Variants in SMYD3 observed in about 807,000 individuals in gnomAD.
The protein encoded by SMYD3 is histone-lysine N-methyltransferase SMYD3.
SMYD3 carries 36 observed loss-of-function variants against 57.7 expected under a neutral mutation model. The observed-to-expected ratio is 0.62, with a 90% CI of 0.48 to 0.82. The LOEUF (loss-of-function observed/expected upper bound fraction) is 0.82. Ranked by LOEUF, SMYD3 falls within the 40% of genes least tolerant of loss-of-function variation. The pLI, the probability that SMYD3 is intolerant of heterozygous loss-of-function variation, is 0.00. For synonymous variants in SMYD3, 211 were observed against 195.0 expected, an observed-to-expected ratio of 1.08 and a Z score of -0.68; for missense variants, 515 against 538.8, an observed-to-expected ratio of 0.96 and a Z score of 0.44.
intron 5 of SMYD3, among the ~76,000 whole-genome samples, chr1:246,200,939 T>C (rs1294632836): frequency 6.6e-6 from 1 of 152,200 alleles, no homozygotes; most frequent in Non-Finnish European, 1.5e-5. Context: ...AAACATTAAA[T>C]CCATGAAGTC....
At chr1:246,308,367 G>T (rs1215862428) in intron 5 of SMYD3, among the ~76,000 whole-genome samples, 1 of 151,908 alleles carries the variant, frequency 6.6e-6, no homozygotes, top group Non-Finnish European at 1.5e-5. Context: ...CTTTGTTTTG[G>T]CCCTATTTGT....
At chr1:245,954,610 AG>A in intron 5 of SMYD3, among the ~76,000 whole-genome samples, 1 of 151,412 alleles carries the variant, frequency 6.6e-6, no homozygotes, top group Non-Finnish European at 1.5e-5. Flanking sequence ...CCCAGGAAGC[AG>A]GGGTTGCAGT....
At chr1:245,751,550 G>GAA (rs1367500078) in intron 11 of SMYD3, among the ~76,000 whole-genome samples, 8 of 149,972 alleles carry the variant, frequency 5.3e-5, no homozygotes, top group Admixed American at 2.0e-4. Flanking sequence ...GAAAGAGAGA[G>GAA]AGAGACAGAG....
chr1:246,491,485 A>G (rs1299493193), intron 1 of SMYD3, among the ~76,000 whole-genome samples: 1 of 151,878 alleles, frequency 6.6e-6, no homozygotes, highest in Non-Finnish European at 1.5e-5. Context: ...GGTGGCAGTG[A>G]GCCGAGATCG....
At chr1:245,796,258 T>C (rs113015023) in intron 10 of SMYD3, among the ~76,000 whole-genome samples, 277 of 152,320 alleles carry the variant, frequency 1.8e-3, no homozygotes, top group African/African-American at 6.4e-3. Context: ...TGTTTCAATA[T>C]TTTATCAAAA....
intron 8 of SMYD3, among the ~76,000 whole-genome samples, chr1:245,890,512 T>C (rs2053323266): frequency 6.6e-6 from 1 of 152,032 alleles, no homozygotes; most frequent in Admixed American, 6.6e-5. Context: ...AAATCAAAAC[T>C]ACAATGAGAT....
chr1:245,758,342 G>A (rs970927505), intron 11 of SMYD3, among the ~76,000 whole-genome samples: 1 of 152,050 alleles, frequency 6.6e-6, no homozygotes, highest in Non-Finnish European at 1.5e-5. Flanking sequence ...TCTGTATATA[G>A]AGATAATTTT....
chr1:245,852,258 G>C (rs891812762), intron 10 of SMYD3, among the ~76,000 whole-genome samples: 2 of 152,214 alleles, frequency 1.3e-5, no homozygotes, highest in African/African-American at 4.8e-5. Flanking sequence ...CCAGTTCCAT[G>C]CACAGAGTGT....
chr1:246,072,815 T>G (rs2060482237), intron 5 of SMYD3, among the ~76,000 whole-genome samples: 1 of 152,140 alleles, frequency 6.6e-6, no homozygotes, highest in Admixed American at 6.5e-5. Flanking sequence ...ACTTTTCTTC[T>G]GCCTTGGACG....
intron 5 of SMYD3, among the ~76,000 whole-genome samples, chr1:246,236,968 C>T (rs1261547617): frequency 6.6e-6 from 1 of 152,172 alleles, no homozygotes; most frequent in Non-Finnish European, 1.5e-5. Context: ...CCTTGCTGGG[C>T]TGTGCTGGCG....
At chr1:246,350,735 T>C (rs1482297825) in intron 2 of SMYD3, among the ~76,000 whole-genome samples, 1 of 151,946 alleles carries the variant, frequency 6.6e-6, no homozygotes, top group African/African-American at 2.4e-5. Flanking sequence ...GGAGACGGAG[T>C]CTTGAGAAGG....
At chr1:246,088,903 T>C (rs2060774236) in intron 5 of SMYD3, among the ~76,000 whole-genome samples, 1 of 152,134 alleles carries the variant, frequency 6.6e-6, no homozygotes. Context: ...TCCAGAAAAG[T>C]TTTAGCTACA....
chr1:246,155,987 C>CAA (rs1448076843), intron 5 of SMYD3, among the ~76,000 whole-genome samples: 1 of 136,434 alleles, frequency 7.3e-6, no homozygotes. Flanking sequence ...ACTATGTCTT[C>CAA]AAAAAAAAAA....
chr1:246,069,527 A>C (rs971119744), intron 5 of SMYD3, among the ~76,000 whole-genome samples: 1 of 152,226 alleles, frequency 6.6e-6, no homozygotes, highest in Non-Finnish European at 1.5e-5. Flanking sequence ...ATTAAACATA[A>C]GTTCCTAAAT....
chr1:246,497,069 T>C (rs1337033133), intron 1 of SMYD3, among the ~76,000 whole-genome samples: 2 of 152,236 alleles, frequency 1.3e-5, no homozygotes, highest in Non-Finnish European at 2.9e-5. Context: ...ATTTTTTCTA[T>C]ACTAACAAGT....
intron 1 of SMYD3, among the ~76,000 whole-genome samples, chr1:246,452,187 C>T (rs1020078504): frequency 2.0e-5 from 3 of 152,184 alleles, no homozygotes; most frequent in African/African-American, 4.8e-5. Flanking sequence ...AACCTGACAA[C>T]GAACACATTA....
chr1:245,823,740 G>A (rs952484575), intron 10 of SMYD3, among the ~76,000 whole-genome samples: 1 of 152,234 alleles, frequency 6.6e-6, no homozygotes, highest in Admixed American at 6.5e-5. Context: ...GGGCAGAAGA[G>A]AGGACAGGCA....
intron 11 of SMYD3, among the ~76,000 whole-genome samples, chr1:245,762,619 G>A (rs1226792387): frequency 6.6e-6 from 1 of 152,208 alleles, no homozygotes; most frequent in African/African-American, 2.4e-5. Context: ...GAATAGCTGA[G>A]TGCCCTCAGG....
chr1:246,055,418 C>G (rs1035323336), intron 5 of SMYD3, among the ~76,000 whole-genome samples: 1 of 151,978 alleles, frequency 6.6e-6, no homozygotes, highest in Non-Finnish European at 1.5e-5. Context: ...GGCAACATAG[C>G]AAGACCTAGT....
Sources: gnomAD v4.1 joint callset for allele counts (sites outside exome capture counted in the v4.1 genomes callset) on GRCh38, gnomAD v4.1.1 for gene constraint, MANE v1.5 for transcripts, NCBI Gene and HGNC (gene_info 2026-07-23, HGNC 2026-07-21) for gene names.